Variants in LEPR observed in about 807,000 individuals in gnomAD.
LEPR encodes the protein leptin receptor.
Under a neutral mutation model 114.7 loss-of-function variants are expected in LEPR, and 56 were observed. The observed-to-expected ratio is 0.49, with a 90% CI of 0.39 to 0.61. LEPR has a LOEUF of 0.61. Among genes scored for constraint, LEPR ranks in the 20% least tolerant of loss-of-function variants. LEPR has a pLI of 0.00. For missense variants in LEPR, 1,202 were observed against 1,352.9 expected, an observed-to-expected ratio of 0.89 and a Z score of 1.75; for synonymous variants, 443 against 461.4, an observed-to-expected ratio of 0.96 and a Z score of 0.51.
chr1:65,578,290 C>A (rs541196847), intron 5 of LEPR: 13 of 230,366 alleles, frequency 5.6e-5, no homozygotes, highest in Non-Finnish European at 1.1e-4. Context: ...GTCACTTCAC[C>A]GAAGTTGAAA....
chr1:65,608,740 TA>T lies in LEPR; in HGVS notation c.1604-8del. On this transcript the variant is annotated splice_polypyrimidine_tract_variant and intron_variant, in intron 11 of 19. Coordinates refer to ENST00000349533, the MANE Select transcript of LEPR (RefSeq NM_002303.6). ...AAATTACCATCACTTAATACTATTG[TA>T]AAAATTTCTAGTGAAGCCACTGCCT... is the stretch of plus-strand genomic sequence containing the variant. 1 of 1,611,528 alleles carries T rather than the reference TA, an allele frequency of 6.2e-7. No homozygotes were observed. Among genetic ancestry groups the T allele is most frequent in the South Asian group, 1.1e-5 (1 of 90,754 alleles).
At position 65,640,580 on chromosome 1, in the gene LEPR, ACT is replaced by A. The variant is rs1658832402; in HGVS notation, c.*3568_*3569del. The stretch of plus-strand genomic sequence containing the variant: ...GGAAGCTACATAAGTAGGTAATTTT[ACT>A]CTTTCTTAACCAGTTTAAAACAGTA... On this transcript the variant is annotated 3_prime_UTR_variant, in exon 20 of 20. Coordinates refer to ENST00000349533, the MANE Select transcript of LEPR (RefSeq NM_002303.6). 6.6e-6 allele frequency: 1 copy of A among 152,172 alleles called. No homozygotes were observed. Among genetic ancestry groups the A allele is most frequent in the Non-Finnish European group, 1.5e-5 (1 of 68,022 alleles). The allele number at this position is 152,172 out of a possible 1,614,324, so 9.4% of individuals were successfully genotyped here. A position where few individuals can be genotyped will look rare whatever the true frequency, so the allele number is the denominator to read the frequency against.
chr1:65,458,128 G>A (rs557651786), intron 2 of LEPR, among the ~76,000 whole-genome samples: 4 of 152,316 alleles, frequency 2.6e-5, no homozygotes, highest in South Asian at 4.1e-4. Context: ...AAATTTAGAT[G>A]AAAACATTTT....
rs1658769344 is a variant in LEPR, at chr1:65,638,044, T to A, written c.*1029T>A. 6.6e-6 allele frequency: 1 copy of A among 152,156 alleles called. No homozygotes were observed. The highest frequency in any genetic ancestry group is 1.5e-5 in the Non-Finnish European group (1 of 68,026). 9.4% of individuals were successfully genotyped at this position (152,156 alleles called of 1,614,324 possible). Reference sequence around the variant, plus strand: ...AGCCATCAATTTAAAAAAACTGACTTGTAATCAAAATTTATTAAGTAGAGG... The same window carrying A: ...AGCCATCAATTTAAAAAAACTGACTAGTAATCAAAATTTATTAAGTAGAGG... On this transcript the variant is annotated 3_prime_UTR_variant, in exon 20 of 20. Transcript: ENST00000349533.
At chr1:65,577,792 C>T (rs1338392377) in intron 5 of LEPR, 1 of 152,286 alleles carries the variant, frequency 6.6e-6, no homozygotes, top group African/African-American at 2.5e-5. Flanking sequence ...CCATGGGGTC[C>T]AGGCCCCTTG....
At chr1:65,451,088 T>C (rs1464097302) in intron 2 of LEPR, among the ~76,000 whole-genome samples, 254 of 152,188 alleles carry the variant, frequency 1.7e-3, no homozygotes, top group African/African-American at 5.3e-3. Flanking sequence ...TTGAGAAGTG[T>C]CTGTTCATGT....
In LEPR at chr1:65,570,574, C is replaced by T. The variant is rs753075938; in HGVS notation, c.142C>T (p.Leu48Phe). Reference protein sequence around the residue: ...MPPNSTYDYFLLPAGLSKNTS... With the variant: ...MPPNSTYDYFFLPAGLSKNTS... ...ACCAAATTCAACCTATGACTACTTC[C>T]TTTTGCCTGCTGGACTCTCAAAGAA... Residue 48 changes from leucine to phenylalanine, a missense_variant, in exon 4 of 20, where the codon CTT becomes TTT. Transcript: ENST00000349533. 1.2e-6 allele frequency: 2 copies of T among 1,613,958 alleles called. No homozygotes were observed. Among genetic ancestry groups the T allele is most frequent in the Non-Finnish European group, 1.7e-6 (2 of 1,179,936 alleles).
chr1:65,631,709 G>A (rs1177577801), intron 19 of LEPR, among the ~76,000 whole-genome samples: 1 of 152,054 alleles, frequency 6.6e-6, no homozygotes, highest in African/African-American at 2.4e-5. Flanking sequence ...AATTTTTGTT[G>A]TAAGAAAATG....
chr1:65,565,889 A>T (rs975813699), intron 3 of LEPR, among the ~76,000 whole-genome samples: 2 of 152,100 alleles, frequency 1.3e-5, no homozygotes, highest in Admixed American at 6.5e-5. Flanking sequence ...ACTCACACAC[A>T]CACATACACA....
In LEPR at chr1:65,622,899, T is replaced by G; in HGVS notation, c.2598-7T>G. The G allele has an allele frequency of 6.2e-7, 1 of 1,613,832 alleles. No individual in the cohort carries two copies. Among genetic ancestry groups the G allele is most frequent in the Non-Finnish European group, 8.5e-7 (1 of 1,179,866 alleles). On this transcript the variant is annotated splice_polypyrimidine_tract_variant and splice_region_variant and intron_variant, in intron 18 of 19. Coordinates refer to ENST00000349533, the MANE Select transcript of LEPR (RefSeq NM_002303.6). ...TCTAATTTTGATGCCCTGTTTATCC[T>G]TTGTAGAATGAAAAAGCTATTTTGG...
intron 2 of LEPR, among the ~76,000 whole-genome samples, chr1:65,466,133 C>T (rs766815548): frequency 4.6e-5 from 7 of 152,126 alleles, no homozygotes; most frequent in Non-Finnish European, 8.8e-5. Context: ...TTGGTCTTTA[C>T]CATTTGGCAT....
At chr1:65,540,048 C>CTCT (rs990732740) in intron 2 of LEPR, among the ~76,000 whole-genome samples, 1 of 152,160 alleles carries the variant, frequency 6.6e-6, no homozygotes, top group African/African-American at 2.4e-5. Flanking sequence ...TTGTTAGTCA[C>CTCT]TCTCCTGACA....
intron 2 of LEPR, among the ~76,000 whole-genome samples, chr1:65,455,817 G>T (rs1313279219): frequency 6.6e-6 from 1 of 151,958 alleles, no homozygotes; most frequent in African/African-American, 2.4e-5. Context: ...CACCCAGTTC[G>T]AGCTTCCTGG....
intron 2 of LEPR, among the ~76,000 whole-genome samples, chr1:65,475,535 T>C (rs1337931071): frequency 6.6e-6 from 1 of 152,220 alleles, no homozygotes; most frequent in Non-Finnish European, 1.5e-5. Flanking sequence ...TCCCTGACCT[T>C]TTCAAGACTG....
chr1:65,424,320 C>G (rs1646315132), intron 1 of LEPR, among the ~76,000 whole-genome samples: 1 of 152,034 alleles, frequency 6.6e-6, no homozygotes, highest in South Asian at 2.1e-4. Flanking sequence ...GCAAAATGAT[C>G]AAAGGTATAT....
In LEPR at chr1:65,601,333, T is replaced by C. The variant is rs976412088; in HGVS notation, c.995-59T>C. 3.3e-5 allele frequency: 52 copies of C among 1,585,794 alleles called. No individual in the cohort carries two copies. In the Middle Eastern group the frequency reaches 1.1e-3, roughly 34 times the overall value. On this transcript the variant is annotated intron_variant, in intron 8 of 19. Transcript: ENST00000349533. Reference sequence around the variant, plus strand: ...GTGTTGTGAATATTTTTCGATGTGGTACAAATTACTTACAGAATGTTTTGT... The same window carrying C: ...GTGTTGTGAATATTTTTCGATGTGGCACAAATTACTTACAGAATGTTTTGT...
chr1:65,441,893 C>T (rs1646654218), intron 2 of LEPR, among the ~76,000 whole-genome samples: 1 of 152,170 alleles, frequency 6.6e-6, no homozygotes, highest in South Asian at 2.1e-4. Context: ...CCCTCCTTTG[C>T]CCCAGATTCC....
At chr1:65,532,666 G>A (rs1400703808) in intron 2 of LEPR, among the ~76,000 whole-genome samples, 2 of 151,960 alleles carry the variant, frequency 1.3e-5, no homozygotes, top group East Asian at 3.9e-4. Flanking sequence ...AGGGAATGAA[G>A]TGCTGATAAA....
intron 4 of LEPR, among the ~76,000 whole-genome samples, chr1:65,572,026 G>C (rs954420047): frequency 2.7e-5 from 4 of 149,780 alleles, no homozygotes; most frequent in African/African-American, 7.3e-5. Context: ...AGCTAGGTGA[G>C]TTTTGAGCTC....
Sources: gnomAD v4.1 joint callset for allele counts (sites outside exome capture counted in the v4.1 genomes callset) on GRCh38, gnomAD v4.1.1 for gene constraint, MANE v1.5 for transcripts, NCBI Gene and HGNC (gene_info 2026-07-23, HGNC 2026-07-21) for gene names.